PRDM14: variants seen among roughly 807,000 people sequenced by gnomAD.
PRDM14 encodes PR/SET domain 14, also known as PR domain zinc finger protein 14.
A neutral mutation model predicts 48.0 loss-of-function variants in PRDM14; 16 were observed. That is an observed-to-expected ratio of 0.33 (90% CI 0.23 to 0.51). The LOEUF is 0.51. PRDM14 is among the 20% of genes least tolerant of loss of function. PRDM14 has a pLI of 0.97. For missense variants in PRDM14, 566 were observed against 719.6 expected, an observed-to-expected ratio of 0.79 and a Z score of 2.44; for synonymous variants, 264 against 276.6, an observed-to-expected ratio of 0.95 and a Z score of 0.45.
At position 70,069,546 on chromosome 8, in the gene PRDM14, G is replaced by A. The variant is rs936499705; in HGVS notation, c.315C>T (p.Pro105=). ...AGGGCGGCACTTCCCTGGGGACGTGGGGAATTGGGTACCACGGTGGCAGCT... is the reference window on the plus strand; with the variant it reads ...AGGGCGGCACTTCCCTGGGGACGTGAGGAATTGGGTACCACGGTGGCAGCT... ...YSKLPPWYPI[P]HVPREVPPFL... is the part of the protein sequence containing the mutation. Residue 105 remains proline, a synonymous_variant, in exon 2 of 8, where the codon CCC becomes CCT. Coordinates refer to ENST00000276594, the MANE Select transcript of PRDM14 (RefSeq NM_024504.4). 1 of 1,608,898 alleles carries A rather than the reference G, an allele frequency of 6.2e-7. No homozygotes were observed. The highest frequency in any genetic ancestry group is 1.1e-5 in the South Asian group (1 of 90,458).
chr8:70,064,523 CTT>C (rs1170368852), intron 5 of PRDM14, among the ~76,000 whole-genome samples: 4,497 of 136,090 alleles, frequency 0.033, 227 homozygotes, highest in African/African-American at 0.11. Flanking sequence ...ATGCAATTTA[CTT>C]TTTTTTTTTT....
rs779621421 is a variant in PRDM14, at chr8:70,068,523, G to A, written c.710C>T (p.Ser237Phe). 119 of 1,614,068 alleles carry A rather than the reference G, an allele frequency of 7.4e-5. 1 individual carries two copies. The South Asian group carries it at 1.2e-3, about 16-fold the overall frequency. The change falls in exon 3 of 8, where the codon TCT becomes TTT. Residue 237 changes from serine (S) to phenylalanine (F), a missense_variant. Transcript: ENST00000276594. ...GTCTTTATCCAGAGTTTGAGGAAGA[G>A]AATCAGATCCTAGCAAAAGGCAGGT... ...LVPPDSSGSD[S>F]LPQTLDKDSL...
rs770006543 is a variant in PRDM14, at chr8:70,069,447, G to A, written c.414C>T (p.Asn138=). The change falls in exon 2 of 8, where the codon AAC becomes AAT. Residue 138 remains asparagine (N), a synonymous_variant. Transcript: ENST00000276594. ...CAGGTCCACAACACGGGCCACTCTC[G>A]TTGTCGCCACCAATGATTTGGTGGC... The part of the protein sequence containing the change: ...DLGHQIIGGD[N]ESGPCCGPDT... 1.9e-6 allele frequency: 3 copies of A among 1,581,676 alleles called. No homozygotes were observed. The highest frequency in any genetic ancestry group is 2.2e-5 in the East Asian group (1 of 44,522).
intron 4 of PRDM14, among the ~76,000 whole-genome samples, chr8:70,067,822 ATT>A (rs1303922974): frequency 6.7e-6 from 1 of 149,804 alleles, no homozygotes; most frequent in African/African-American, 2.4e-5. Context: ...GTATCTGGTT[ATT>A]TTTTTTTTAA....
intron 5 of PRDM14, among the ~76,000 whole-genome samples, chr8:70,059,322 AG>A (rs907218596): frequency 1.4e-5 from 2 of 146,440 alleles, no homozygotes; most frequent in Admixed American, 6.9e-5. Flanking sequence ...CCCAGGCTGG[AG>A]TGCAGGGGTG....
At chr8:70,057,404 A>T (rs111278531) in intron 6 of PRDM14, among the ~76,000 whole-genome samples, 24,814 of 149,086 alleles carry the variant, frequency 0.17, 2,162 homozygotes, top group Middle Eastern at 0.23. Flanking sequence ...GTCTCGGCTC[A>T]CTGCAACCTC....
At chr8:70,067,881 T>C (rs932142323) in intron 4 of PRDM14, among the ~76,000 whole-genome samples, 1 of 152,222 alleles carries the variant, frequency 6.6e-6, no homozygotes, top group Admixed American at 6.5e-5. Flanking sequence ...TTAAAACTTG[T>C]TTTTATTCTC....
intron 5 of PRDM14, among the ~76,000 whole-genome samples, chr8:70,063,706 A>G (rs184555849): frequency 9.4e-4 from 143 of 152,130 alleles, no homozygotes; most frequent in Non-Finnish European, 1.6e-3. Flanking sequence ...GTATTTTAGT[A>G]GAGACGGAGT....
At chr8:70,058,304 C>A (rs148025145) in intron 6 of PRDM14, among the ~76,000 whole-genome samples, 2 of 152,174 alleles carry the variant, frequency 1.3e-5, no homozygotes, top group Non-Finnish European at 2.9e-5. Flanking sequence ...GCCCAACTAA[C>A]CCTGCCACCA....
chr8:70,066,636 T>C (rs1336479884), intron 4 of PRDM14, 131 bp from the exon 5 acceptor site: 1 of 716,804 alleles, frequency 1.4e-6, no homozygotes, highest in Non-Finnish European at 2.3e-6. Context: ...ATTCTGATTT[T>C]TATGTCATTA....
chr8:70,066,209 T>C, intron 5 of PRDM14, 26 bp downstream of exon 5: 2 of 1,604,842 alleles, frequency 1.2e-6, no homozygotes, highest in Non-Finnish European at 1.7e-6. Context: ...ATGCCCTCAT[T>C]GGGCAAGGCG....
At chr8:70,060,793 A>G (rs1047837087) in intron 5 of PRDM14, among the ~76,000 whole-genome samples, 5 of 152,078 alleles carry the variant, frequency 3.3e-5, no homozygotes, top group African/African-American at 1.2e-4. Context: ...TTGTGCCTTT[A>G]AGATCAGCCT....
intron 7 of PRDM14, 44 bp downstream of exon 7, chr8:70,055,256 A>G: frequency 8.9e-7 from 1 of 1,127,306 alleles, no homozygotes; most frequent in Non-Finnish European, 1.3e-6. Context: ...ATAGACACTC[A>G]AGCAGAGCTC....
chr8:70,060,590 T>C (rs550672817), intron 5 of PRDM14, among the ~76,000 whole-genome samples: 28 of 152,370 alleles, frequency 1.8e-4, no homozygotes, highest in South Asian at 1.4e-3. Context: ...ATGTTGTATA[T>C]GGTTGCTATG....
chr8:70,054,645 A>C (rs992086217), intron 7 of PRDM14, among the ~76,000 whole-genome samples: 2 of 143,214 alleles, frequency 1.4e-5, no homozygotes, highest in African/African-American at 5.3e-5. Flanking sequence ...CAGCCTCCCA[A>C]GTAGCTGGGA....
At chr8:70,070,146 C>T (rs1270120081) in intron 1 of PRDM14, among the ~76,000 whole-genome samples, 3 of 152,224 alleles carry the variant, frequency 2.0e-5, no homozygotes, top group Non-Finnish European at 4.4e-5. Flanking sequence ...GTTGCCTTCC[C>T]CTTCCCTCTC....
chr8:70,066,440 G>C lies in PRDM14; in HGVS notation c.978C>G (p.Ser326=), dbSNP rs1291448050. The change falls in exon 5 of 8, where the codon TCC becomes TCG. Residue 326 remains serine, a synonymous_variant. Transcript: ENST00000276594. ...TGGGGAAGCGGGCACAGTTGACATA[G>C]GACATCCAGTTCCCCGTACCTCCTT... is the stretch of plus-strand genomic sequence containing the variant. ...DGKGGTGNWM[S]YVNCARFPKE... 1 of 1,614,088 alleles carries C rather than the reference G, an allele frequency of 6.2e-7. No individual in the cohort carries two copies. The highest frequency in any genetic ancestry group is 8.5e-7 in the Non-Finnish European group (1 of 1,179,958).
At chr8:70,058,610 T>C (rs1396048343) in intron 6 of PRDM14, 30 bp downstream of exon 6, 2 of 1,592,750 alleles carry the variant, frequency 1.3e-6, no homozygotes, top group African/African-American at 1.3e-5. Flanking sequence ...GAGAACGTGA[T>C]GGTGGGTCAT....
chr8:70,070,340 C>G (rs1177565730), intron 1 of PRDM14, among the ~76,000 whole-genome samples: 1 of 152,192 alleles, frequency 6.6e-6, no homozygotes, highest in Non-Finnish European at 1.5e-5. Context: ...GGCCGGGAGC[C>G]GAGCGCAGGC....
Sources: allele counts gnomAD v4.1 joint callset (sites outside exome capture counted in the v4.1 genomes callset), GRCh38; gene constraint gnomAD v4.1.1; transcripts MANE v1.5; gene names NCBI Gene and HGNC (gene_info 2026-07-23, HGNC 2026-07-21).